The following NELL1 variants were observed in gnomAD, a reference collection of about 807,000 sequenced individuals.
NELL1 encodes protein kinase C-binding protein NELL1.
A neutral mutation model predicts 107.4 loss-of-function variants in NELL1; 76 were observed. The ratio of observed to expected loss-of-function variants is 0.71; its 90% CI spans 0.59 to 0.86. NELL1 has a LOEUF of 0.86. Ranked by LOEUF, NELL1 falls within the 40% of genes least tolerant of loss-of-function variation. The pLI is 0.00. For synonymous variants in NELL1, 353 were observed against 341.2 expected (o/e 1.03, Z -0.38); for missense variants, 1,024 against 1,005.5 (o/e 1.02, Z -0.25).
intron 3 of NELL1, among the ~76,000 whole-genome samples, chr11:20,813,500 CTT>C (rs1173732471): frequency 1.3e-5 from 2 of 152,072 alleles, no homozygotes; most frequent in Non-Finnish European, 2.9e-5. Context: ...TCATTTGTCT[CTT>C]TTAGTTCTGC....
chr11:20,921,796 G>GTTTTTTT (rs34327396), intron 7 of NELL1, among the ~76,000 whole-genome samples: 2 of 137,146 alleles, frequency 1.5e-5, no homozygotes, highest in African/African-American at 2.9e-5. Context: ...TTTATTGTGT[G>GTTTTTTT]TGTTTTTTTT....
chr11:21,274,528 T>A (rs11025996), intron 14 of NELL1, among the ~76,000 whole-genome samples: 1 of 152,014 alleles, frequency 6.6e-6, no homozygotes, highest in African/African-American at 2.4e-5. Context: ...CGAATTGAAC[T>A]CAGCTCTGCA....
chr11:21,493,085 G>A (rs1169621213), intron 15 of NELL1, among the ~76,000 whole-genome samples: 2 of 151,912 alleles, frequency 1.3e-5, no homozygotes, highest in Non-Finnish European at 2.9e-5. Context: ...AAGACAAAAA[G>A]CAACAGATGA....
In NELL1 at chr11:20,919,109, G is replaced by A. The variant is rs759423667; in HGVS notation, c.677-143G>A. The stretch of plus-strand genomic sequence containing the variant: ...AAAAGATCCAGACCTGAAATCCTCT[G>A]TGATTTCACTCAAATTTCAAAGCAA... On this transcript the variant is annotated intron_variant, in intron 6 of 19. Coordinates refer to ENST00000357134, the MANE Select transcript of NELL1 (RefSeq NM_006157.5). 315 of 430,722 alleles carry A rather than the reference G, an allele frequency of 7.3e-4. 3 individuals are homozygous for A. Among genetic ancestry groups the A allele is most frequent in the Non-Finnish European group, 3.0e-4 (72 of 242,242 alleles). The allele number at this position is 430,722 out of a possible 1,614,324, so 26.7% of individuals were successfully genotyped here.
At chr11:20,918,650 T>A (rs971421054) in intron 6 of NELL1, among the ~76,000 whole-genome samples, 3 of 151,938 alleles carry the variant, frequency 2.0e-5, no homozygotes, top group South Asian at 2.1e-4. Flanking sequence ...TATAAAACCA[T>A]CAGATCTTGT....
intron 13 of NELL1, among the ~76,000 whole-genome samples, chr11:21,161,771 A>G (rs1856375793): frequency 1.3e-5 from 2 of 151,906 alleles, no homozygotes; most frequent in Admixed American, 6.6e-5. Flanking sequence ...TTATTGAGAT[A>G]TTATATAATT....
intron 2 of NELL1, among the ~76,000 whole-genome samples, chr11:20,684,547 T>C (rs370485342): frequency 5.9e-5 from 9 of 152,166 alleles, no homozygotes; most frequent in African/African-American, 1.9e-4. Flanking sequence ...TCGAAAATTC[T>C]AATAATTGTA....
intron 16 of NELL1, among the ~76,000 whole-genome samples, chr11:21,552,486 G>C (rs1003152159): frequency 4.0e-5 from 6 of 148,914 alleles, no homozygotes; most frequent in African/African-American, 1.5e-4. Flanking sequence ...ACCTCCCTTA[G>C]GGTAAGAAAC....
chr11:20,803,698 G>C, intron 3 of NELL1, among the ~76,000 whole-genome samples: 1 of 152,046 alleles, frequency 6.6e-6, no homozygotes, highest in Non-Finnish European at 1.5e-5. Flanking sequence ...GGTTAATACC[G>C]AGTGTCAACT....
At chr11:20,916,252 T>TAC (rs1850253665) in intron 5 of NELL1, among the ~76,000 whole-genome samples, 1 of 151,834 alleles carries the variant, frequency 6.6e-6, no homozygotes, top group South Asian at 2.1e-4. Context: ...CTATGTAACA[T>TAC]ACACACGCAG....
intron 14 of NELL1, among the ~76,000 whole-genome samples, chr11:21,274,856 A>G (rs1048688714): frequency 1.3e-5 from 2 of 152,208 alleles, no homozygotes; most frequent in African/African-American, 4.8e-5. Context: ...ACCAGTGAGA[A>G]CAAAGACACA....
At chr11:20,763,131 C>T (rs1452158030) in intron 2 of NELL1, among the ~76,000 whole-genome samples, 1 of 152,272 alleles carries the variant, frequency 6.6e-6, no homozygotes, top group Admixed American at 6.5e-5. Context: ...TCCATATGCT[C>T]ATGGCCTCTC....
intron 15 of NELL1, among the ~76,000 whole-genome samples, chr11:21,444,329 T>C (rs1229921762): frequency 6.6e-6 from 1 of 152,122 alleles, no homozygotes; most frequent in Non-Finnish European, 1.5e-5. Context: ...CTTTGCACAT[T>C]TATTGACTAT....
At chr11:21,398,968 A>C (rs1323679926) in intron 15 of NELL1, among the ~76,000 whole-genome samples, 1 of 151,668 alleles carries the variant, frequency 6.6e-6, no homozygotes, top group Non-Finnish European at 1.5e-5. Context: ...GCAGTTAGTG[A>C]CAGTACTCAG....
chr11:20,961,937 A>G (rs1851299680), intron 12 of NELL1, among the ~76,000 whole-genome samples: 1 of 152,130 alleles, frequency 6.6e-6, no homozygotes, highest in Admixed American at 6.6e-5. Context: ...TATTACTACT[A>G]GAGACCAGTA....
intron 5 of NELL1, among the ~76,000 whole-genome samples, chr11:20,905,284 AAACTC>A (rs1849970351): frequency 6.6e-6 from 1 of 152,192 alleles, no homozygotes; most frequent in African/African-American, 2.4e-5. Flanking sequence ...AAGAAAAACA[AAACTC>A]AGCAAACCCC....
intron 12 of NELL1, among the ~76,000 whole-genome samples, chr11:20,991,651 T>A (rs1037463699): frequency 2.0e-5 from 3 of 152,028 alleles, no homozygotes; most frequent in African/African-American, 7.3e-5. Context: ...CTCGGATTGG[T>A]CGTTTGTTTG....
At chr11:20,770,146 G>C (rs1590277500) in intron 2 of NELL1, among the ~76,000 whole-genome samples, 1 of 152,164 alleles carries the variant, frequency 6.6e-6, no homozygotes, top group African/African-American at 2.4e-5. Context: ...CAGTAAATGA[G>C]GATTATCATT....
chr11:20,894,068 G>C (rs970706762), intron 5 of NELL1, among the ~76,000 whole-genome samples: 21 of 152,238 alleles, frequency 1.4e-4, no homozygotes, highest in Admixed American at 1.4e-3. Flanking sequence ...TGGGTCAACT[G>C]AATATCCCCA....
Sources: gnomAD v4.1 joint callset for allele counts (sites outside exome capture counted in the v4.1 genomes callset) on GRCh38, gnomAD v4.1.1 for gene constraint, MANE v1.5 for transcripts, NCBI Gene and HGNC (gene_info 2026-07-23, HGNC 2026-07-21) for gene names.